Variants in NXPE4 observed in about 807,000 individuals in gnomAD.
NXPE4 encodes the protein neurexophilin and PC-esterase domain family member 4, also known as NXPE family member 4.
In NXPE4, 42 loss-of-function variants were observed where a neutral mutation model predicts 33.3. That is an observed-to-expected ratio of 1.26 (90% CI 0.98 to 1.63). The LOEUF (loss-of-function observed/expected upper bound fraction) is 1.63, where lower values mean the gene tolerates loss of function less well. Among genes scored for constraint, NXPE4 ranks in the 40% most tolerant of loss-of-function variants. NXPE4 has a pLI of 0.00. For missense variants in NXPE4, 709 were observed against 647.6 expected (o/e 1.09, Z -1.03); for synonymous variants, 253 against 234.9 (o/e 1.08, Z -0.71).
the NXPE4 span, among the ~76,000 whole-genome samples, chr11:114,605,258 C>T: frequency 2.6e-5 from 4 of 151,682 alleles, no homozygotes; most frequent in Admixed American, 6.6e-5. Flanking sequence ...AGTACAGCCT[C>T]GTGGGAAACC....
chr11:114,635,374 TG>T, the NXPE4 span, among the ~76,000 whole-genome samples: 1 of 150,548 alleles, frequency 6.6e-6, no homozygotes, highest in Non-Finnish European at 1.5e-5. Flanking sequence ...GCTGAGACAA[TG>T]GGGTTTTCTA....
At chr11:114,618,138 G>A in the NXPE4 span, among the ~76,000 whole-genome samples, 113 of 151,084 alleles carry the variant, frequency 7.5e-4, no homozygotes, top group Middle Eastern at 3.4e-3. Flanking sequence ...AGTGTTACCT[G>A]GTGGATAGTA....
the NXPE4 span, among the ~76,000 whole-genome samples, chr11:114,637,809 T>A: frequency 1.3e-5 from 2 of 152,074 alleles, no homozygotes; most frequent in Non-Finnish European, 2.9e-5. Flanking sequence ...TCTTCTGGCT[T>A]GTAGAGTTTC....
the NXPE4 span, among the ~76,000 whole-genome samples, chr11:114,638,314 T>C: frequency 0.012 from 1,873 of 152,178 alleles, 42 homozygotes; most frequent in African/African-American, 0.042. Context: ...TTCAGCTCCA[T>C]CAGCTCCTTT....
the NXPE4 span, among the ~76,000 whole-genome samples, chr11:114,602,109 T>C: frequency 0.012 from 1,208 of 99,950 alleles, 27 homozygotes; most frequent in African/African-American, 0.047. Flanking sequence ...TATTATAATA[T>C]ATATAATTAT....
At chr11:114,643,694 T>C in the NXPE4 span, among the ~76,000 whole-genome samples, 5 of 151,214 alleles carry the variant, frequency 3.3e-5, no homozygotes, top group African/African-American at 9.7e-5. Flanking sequence ...GGTAGCATGA[T>C]GCCTCCACCT....
the NXPE4 span, among the ~76,000 whole-genome samples, chr11:114,614,396 C>G: frequency 6.6e-6 from 1 of 151,024 alleles, no homozygotes; most frequent in African/African-American, 2.4e-5. Flanking sequence ...AGTGTAGCCT[C>G]TAGGGTAACC....
At position 114,590,481 on chromosome 11, in the gene NXPE4, C is replaced by T. The variant is rs1403265196; in HGVS notation, c.96+4183G>A. 3.3e-5 allele frequency among the ~76,000 whole-genome samples: 5 copies of T among 152,120 alleles called. No individual in the cohort carries two copies. In the South Asian group the frequency reaches 8.3e-4, roughly 25 times the overall value. Reference sequence around the variant, plus strand: ...CCTGGGTATGGTGAGATAGATCATCCTCTATATCACTTCATAAAAGAAACT... The same window carrying T: ...CCTGGGTATGGTGAGATAGATCATCTTCTATATCACTTCATAAAAGAAACT... On this transcript the variant is annotated intron_variant, in intron 2 of 5. Coordinates refer to ENST00000375478, the MANE Select transcript of NXPE4 (RefSeq NM_001077639.2).
At chr11:114,624,997 C>T in the NXPE4 span, among the ~76,000 whole-genome samples, 89 of 151,624 alleles carry the variant, frequency 5.9e-4, 2 homozygotes, top group African/African-American at 2.1e-3. Flanking sequence ...TCGTGAGTAA[C>T]CACTGTTACC....
the NXPE4 span, among the ~76,000 whole-genome samples, chr11:114,635,693 A>G: frequency 1.4e-4 from 21 of 151,844 alleles, no homozygotes; most frequent in Non-Finnish European, 1.9e-4. Context: ...GAATTTTGTC[A>G]AAGGCCTTTT....
the NXPE4 span, among the ~76,000 whole-genome samples, chr11:114,643,262 T>C: frequency 6.6e-6 from 1 of 152,150 alleles, no homozygotes; most frequent in Non-Finnish European, 1.5e-5. Context: ...TTAGTTTAAT[T>C]AGATCCCATT....
chr11:114,601,405 C>T, the NXPE4 span, among the ~76,000 whole-genome samples: 1 of 138,276 alleles, frequency 7.2e-6, no homozygotes, highest in Non-Finnish European at 1.5e-5. Flanking sequence ...ATCCGTGTTG[C>T]TGCAAAAGAT....
At chr11:114,666,565 T>C in the NXPE4 span, among the ~76,000 whole-genome samples, 118 of 152,288 alleles carry the variant, frequency 7.7e-4, no homozygotes, top group African/African-American at 2.7e-3. Flanking sequence ...AGAAATTAAC[T>C]GGATTGATAG....
the NXPE4 span, among the ~76,000 whole-genome samples, chr11:114,609,483 G>C: frequency 1.3e-5 from 2 of 151,814 alleles, no homozygotes; most frequent in South Asian, 2.1e-4. Context: ...TTGCCTCTAG[G>C]GTAACCATTG....
At chr11:114,672,911 A>G in the NXPE4 span, among the ~76,000 whole-genome samples, 1 of 151,514 alleles carries the variant, frequency 6.6e-6, no homozygotes, top group African/African-American at 2.4e-5. Context: ...ACTAGACAGA[A>G]TAACAGTAAG....
the NXPE4 span, among the ~76,000 whole-genome samples, chr11:114,612,954 T>C: frequency 6.6e-6 from 1 of 151,988 alleles, no homozygotes; most frequent in Non-Finnish European, 1.5e-5. Context: ...TGTTACCTGC[T>C]GGATAATAAT....
chr11:114,639,832 T>A, the NXPE4 span, among the ~76,000 whole-genome samples: 1 of 88,134 alleles, frequency 1.1e-5, no homozygotes, highest in Non-Finnish European at 2.2e-5. Context: ...TAATATATAT[T>A]ATATTAAATA....
At chr11:114,661,286 A>T in the NXPE4 span, among the ~76,000 whole-genome samples, 1 of 152,192 alleles carries the variant, frequency 6.6e-6, no homozygotes. Flanking sequence ...AGGGAAATAG[A>T]ATAATCAATC....
rs118184548 is a variant in NXPE4, at chr11:114,589,741, C to A, written c.96+4923G>T. Among the ~76,000 whole-genome samples the A allele has an allele frequency of 4.7e-3, 713 of 152,224 alleles. 2 individuals are homozygous for A. The highest frequency in any genetic ancestry group is 8.1e-3 in the Non-Finnish European group (551 of 68,000). Reference sequence around the variant, plus strand: ...CTTTTTTCCTAATCGGAGACAATATCCCCTAAAGCCAGAGGGTAAGAAAGG... The same window carrying A: ...CTTTTTTCCTAATCGGAGACAATATACCCTAAAGCCAGAGGGTAAGAAAGG... On this transcript the variant is annotated intron_variant, in intron 2 of 5. Coordinates refer to ENST00000375478, the MANE Select transcript of NXPE4 (RefSeq NM_001077639.2).
Sources: allele counts gnomAD v4.1 joint callset (sites outside exome capture counted in the v4.1 genomes callset), GRCh38; gene constraint gnomAD v4.1.1; transcripts MANE v1.5; gene names NCBI Gene and HGNC (gene_info 2026-07-23, HGNC 2026-07-21).